MYO5A: variants seen among roughly 807,000 people sequenced by gnomAD.
The protein encoded by MYO5A is myosin VA, also known as unconventional myosin-Va.
MYO5A carries 98 observed loss-of-function variants against 249.7 expected under a neutral mutation model. The ratio of observed to expected loss-of-function variants is 0.39; its 90% CI spans 0.33 to 0.46. The LOEUF (loss-of-function observed/expected upper bound fraction) is 0.46. Among genes scored for constraint, MYO5A ranks in the 20% least tolerant of loss-of-function variants. MYO5A has a pLI of 0.98. For missense variants in MYO5A, 1,696 were observed against 2,308.8 expected, an observed-to-expected ratio of 0.73 and a Z score of 5.44; for synonymous variants, 778 against 810.6, an observed-to-expected ratio of 0.96 and a Z score of 0.68.
chr15:52,425,690 C>T (rs999584190), intron 4 of MYO5A, 140 bp downstream of exon 4: 11 of 954,536 alleles, frequency 1.2e-5, no homozygotes, highest in Non-Finnish European at 1.8e-5. Context: ...ATCCAAGTCA[C>T]CTGAGACAAA....
In MYO5A at chr15:52,336,292, T is replaced by C. The variant is rs8035295; in HGVS notation, c.4408+171A>G. Among the ~76,000 whole-genome samples, 140,606 of 152,228 alleles carry C rather than the reference T, an allele frequency of 0.92. 64,979 individuals carry two copies. Among genetic ancestry groups the C allele is most frequent in the Admixed American group, 0.95 (14,578 of 15,294 alleles). ...CCATGAAAAGAACATTTTTCCTCAT[T>C]TAAAAATGTAAATTTCTACTCAAAA... On this transcript the variant is annotated intron_variant, in intron 34 of 41. Transcript: ENST00000399233.
chr15:52,450,881 T>G (rs1437027962), intron 1 of MYO5A, among the ~76,000 whole-genome samples: 1 of 130,654 alleles, frequency 7.7e-6, no homozygotes, highest in Admixed American at 8.8e-5. Flanking sequence ...AGGGTCTCAC[T>G]CTGTTGCCCA....
At chr15:52,458,334 G>C (rs1436739515) in intron 1 of MYO5A, among the ~76,000 whole-genome samples, 1 of 152,220 alleles carries the variant, frequency 6.6e-6, no homozygotes, top group Non-Finnish European at 1.5e-5. Flanking sequence ...CCAGCACTTT[G>C]AAAGGCCGAG....
At chr15:52,323,109 G>GT (rs1160031518) in intron 37 of MYO5A, among the ~76,000 whole-genome samples, 2 of 152,066 alleles carry the variant, frequency 1.3e-5, no homozygotes, top group African/African-American at 4.8e-5. Context: ...TTTACTTCTG[G>GT]TAACTATTCA....
At chr15:52,340,811 G>A (rs1047230668) in intron 31 of MYO5A, among the ~76,000 whole-genome samples, 6 of 152,090 alleles carry the variant, frequency 3.9e-5, no homozygotes, top group Admixed American at 1.3e-4. Context: ...AGTCAGGCGT[G>A]TTGGGGCATG....
At chr15:52,459,366 TGACTCTTAAC>T (rs947240195) in intron 1 of MYO5A, among the ~76,000 whole-genome samples, 29 of 151,944 alleles carry the variant, frequency 1.9e-4, no homozygotes, top group African/African-American at 6.3e-4. Context: ...GGAGTGGTGA[TGACTCTTAAC>T]GACTATGCTG....
Position 52,370,253 on chromosome 15 carries a change from C to T in MYO5A, c.2982G>A (p.Lys994=), listed in dbSNP as rs757363991. Residue 994 remains lysine (K), a synonymous_variant, in exon 22 of 42, where the codon AAG becomes AAA. Transcript: ENST00000399233. ...GAGTTTGCTCCAGGTCTTTCCGGAG[C>T]TTGGCAATTTCTTCCTGCAGACTAA... ...RVLSLQEEIA[K]LRKDLEQTRS... 1.9e-6 allele frequency: 3 copies of T among 1,614,116 alleles called. No individual in the cohort carries two copies. Among genetic ancestry groups the T allele is most frequent in the Non-Finnish European group, 2.5e-6 (3 of 1,180,002 alleles).
intron 25 of MYO5A, among the ~76,000 whole-genome samples, chr15:52,354,772 T>A (rs531943904): frequency 6.6e-5 from 10 of 151,490 alleles, no homozygotes; most frequent in African/African-American, 2.4e-4. Flanking sequence ...GAGAATTGCT[T>A]GAACCCAGGA....
chr15:52,364,835 CT>C, intron 23 of MYO5A, 133 bp from the exon 24 acceptor site: 1 of 1,004,258 alleles, frequency 1.0e-6, no homozygotes, highest in South Asian at 1.5e-5. Context: ...TGAAGAGTGT[CT>C]TAGTAAAATT....
chr15:52,432,502 T>C (rs555401709), intron 2 of MYO5A, among the ~76,000 whole-genome samples: 20 of 152,246 alleles, frequency 1.3e-4, no homozygotes, highest in Non-Finnish European at 2.4e-4. Flanking sequence ...AAATCTCACT[T>C]CAAATTCCAA....
chr15:52,400,975 C>A (rs147287626), intron 9 of MYO5A, among the ~76,000 whole-genome samples: 2 of 151,788 alleles, frequency 1.3e-5, no homozygotes, highest in African/African-American at 4.8e-5. Flanking sequence ...CATCTTAGAT[C>A]TTCTAACTGG....
intron 18 of MYO5A, 67 bp downstream of exon 18, chr15:52,379,558 C>CG: frequency 1.4e-6 from 2 of 1,420,164 alleles, no homozygotes; most frequent in East Asian, 4.6e-5. Flanking sequence ...CAAAAGTTCC[C>CG]GGGGCTTTCC....
chr15:52,454,101 T>C (rs1286959922), intron 1 of MYO5A, among the ~76,000 whole-genome samples: 1 of 152,076 alleles, frequency 6.6e-6, no homozygotes, highest in Non-Finnish European at 1.5e-5. Flanking sequence ...GAGTCAACTA[T>C]CTGTTGTCCC....
At position 52,336,492 on chromosome 15, in the gene MYO5A, A is replaced by G. The variant is rs1421142198; in HGVS notation, c.4379T>C (p.Val1460Ala). The G allele has an allele frequency of 1.9e-6, 3 of 1,607,336 alleles. No homozygotes were observed. Among genetic ancestry groups the G allele is most frequent in the African/African-American group, 1.3e-5 (1 of 74,890 alleles). Residue 1460 changes from valine (V) to alanine (A), a missense_variant, in exon 34 of 42, where the codon GTA (valine) becomes GCA (alanine). Val to Ala is a moderately conservative substitution (Grantham distance 64). Around this residue, in one of 5 missense-constraint regions of MYO5A, gnomAD observed 625 missense variants for 908.1 expected, o/e 0.69. Coordinates refer to ENST00000399233, the MANE Select transcript of MYO5A (RefSeq NM_001382347.1). ...TAGTTCGCCAATTTTTTTGGCAAAT[A>G]CTTTCAGTTGTTTTTTCAGTTTACG... ...TVRKLKKQLK[V>A]FAKKIGELEV... is the part of the protein sequence containing the mutation.
At chr15:52,333,113 C>T (rs2038964808) in intron 34 of MYO5A, among the ~76,000 whole-genome samples, 1 of 152,178 alleles carries the variant, frequency 6.6e-6, no homozygotes, top group African/African-American at 2.4e-5. Context: ...TCTGAACTTG[C>T]CAGTGTCTTG....
intron 1 of MYO5A, among the ~76,000 whole-genome samples, chr15:52,437,458 G>A (rs1353230344): frequency 2.6e-5 from 4 of 151,944 alleles, no homozygotes; most frequent in Non-Finnish European, 4.4e-5. Flanking sequence ...AGCCAGGCAT[G>A]GTGGTTCGTG....
intron 1 of MYO5A, among the ~76,000 whole-genome samples, chr15:52,482,580 A>G (rs1339736431): frequency 3.3e-5 from 5 of 152,236 alleles, no homozygotes; most frequent in African/African-American, 1.2e-4. Context: ...TCACACATCA[A>G]AAACAACTCA....
At chr15:52,372,767 T>C (rs1411593319) in intron 20 of MYO5A, among the ~76,000 whole-genome samples, 1 of 152,128 alleles carries the variant, frequency 6.6e-6, no homozygotes, top group Non-Finnish European at 1.5e-5. Flanking sequence ...TGATCCTCTA[T>C]AAAATTAACA....
chr15:52,468,195 GT>G (rs1398850217), intron 1 of MYO5A, among the ~76,000 whole-genome samples: 1 of 151,900 alleles, frequency 6.6e-6, no homozygotes, highest in Non-Finnish European at 1.5e-5. Context: ...AGACAAAATT[GT>G]CCCAACTATT....
Sources: gnomAD v4.1 joint callset for allele counts (sites outside exome capture counted in the v4.1 genomes callset) on GRCh38, gnomAD v4.1.1 for gene constraint, gnomAD v4.1.1 regional missense constraint, MANE v1.5 for transcripts, NCBI Gene and HGNC (gene_info 2026-07-23, HGNC 2026-07-21) for gene names.